Variants in DACH1 observed in about 807,000 individuals in gnomAD.
The protein encoded by DACH1 is dachshund homolog 1.
In DACH1, 12 loss-of-function variants were observed where a neutral mutation model predicts 54.2. That is an observed-to-expected ratio of 0.22 (90% CI 0.14 to 0.36). DACH1 has a LOEUF of 0.36. DACH1 is among the 10% of genes least tolerant of loss of function. The pLI is 1.00. For synonymous variants in DACH1, 386 were observed against 366.2 expected, an observed-to-expected ratio of 1.05 and a Z score of -0.62; for missense variants, 805 against 929.8, an observed-to-expected ratio of 0.87 and a Z score of 1.75.
intron 10 of DACH1, among the ~76,000 whole-genome samples, chr13:71,468,991 GCTAA>G (rs752817268): frequency 5.3e-5 from 8 of 152,170 alleles, no homozygotes; most frequent in Non-Finnish European, 8.8e-5. Context: ...GAGGCAACAA[GCTAA>G]CTATCTAAAA....
chr13:71,791,264 A>G (rs944436351), intron 1 of DACH1, among the ~76,000 whole-genome samples: 5 of 152,178 alleles, frequency 3.3e-5, no homozygotes, highest in African/African-American at 7.2e-5. Context: ...ACGTCAAACA[A>G]TGATTTACAC....
chr13:71,482,289 G>GAA (rs1216533212), intron 7 of DACH1, among the ~76,000 whole-genome samples: 1 of 151,914 alleles, frequency 6.6e-6, no homozygotes, highest in African/African-American at 2.4e-5. Context: ...ATACGGCTTA[G>GAA]AAAGTACAAT....
intron 1 of DACH1, among the ~76,000 whole-genome samples, chr13:71,689,054 A>AGTTT (rs1247129347): frequency 6.6e-6 from 1 of 152,128 alleles, no homozygotes; most frequent in African/African-American, 2.4e-5. Context: ...ATTGCTAGTG[A>AGTTT]GTTTGTTTGT....
At chr13:71,637,847 G>T (rs913858393) in intron 2 of DACH1, among the ~76,000 whole-genome samples, 5 of 151,990 alleles carry the variant, frequency 3.3e-5, no homozygotes, top group Non-Finnish European at 7.4e-5. Flanking sequence ...TACAATTGTA[G>T]ATTATAGATA....
intron 2 of DACH1, among the ~76,000 whole-genome samples, chr13:71,659,190 G>T (rs1879335749): frequency 1.3e-5 from 2 of 152,114 alleles, no homozygotes; most frequent in Admixed American, 1.3e-4. Context: ...AGGAAGGAAG[G>T]AAGTTTCTGT....
intron 3 of DACH1, among the ~76,000 whole-genome samples, chr13:71,629,010 G>GGC (rs1876875192): frequency 6.6e-6 from 1 of 152,058 alleles, no homozygotes; most frequent in African/African-American, 2.4e-5. Context: ...AGATTGTTTT[G>GGC]TAATAATAGA....
At chr13:71,481,535 G>A (rs1171799749) in intron 7 of DACH1, among the ~76,000 whole-genome samples, 1 of 152,092 alleles carries the variant, frequency 6.6e-6, no homozygotes, top group Non-Finnish European at 1.5e-5. Flanking sequence ...ACCTATTCCT[G>A]CTGATTATGT....
At chr13:71,743,625 G>A (rs958895005) in intron 1 of DACH1, among the ~76,000 whole-genome samples, 1 of 152,192 alleles carries the variant, frequency 6.6e-6, no homozygotes, top group Non-Finnish European at 1.5e-5. Flanking sequence ...AATATCCTAT[G>A]CCAGGTAAGA....
chr13:71,649,962 G>C (rs1245294258), intron 2 of DACH1, among the ~76,000 whole-genome samples: 2 of 152,134 alleles, frequency 1.3e-5, no homozygotes, highest in Non-Finnish European at 2.9e-5. Flanking sequence ...TATGAGCAGA[G>C]GCCAGAAGCA....
At chr13:71,656,920 T>TTA (rs1879129734) in intron 2 of DACH1, among the ~76,000 whole-genome samples, 2 of 12,660 alleles carry the variant, frequency 1.6e-4, no homozygotes, top group African/African-American at 3.5e-4. Context: ...TGTTCTTCTT[T>TTA]CATATATATA....
At chr13:71,720,883 A>G (rs1883201481) in intron 1 of DACH1, among the ~76,000 whole-genome samples, 1 of 152,176 alleles carries the variant, frequency 6.6e-6, no homozygotes, top group Admixed American at 6.5e-5. Flanking sequence ...CACACTTGTC[A>G]GATTGTTCCT....
At chr13:71,757,786 G>A (rs1885231876) in intron 1 of DACH1, among the ~76,000 whole-genome samples, 1 of 152,006 alleles carries the variant, frequency 6.6e-6, no homozygotes, top group Non-Finnish European at 1.5e-5. Flanking sequence ...GCCTCCCAAC[G>A]TGCTGGGATT....
intron 1 of DACH1, among the ~76,000 whole-genome samples, chr13:71,726,763 CTAATTA>C (rs1204474018): frequency 6.6e-6 from 1 of 151,808 alleles, no homozygotes; most frequent in Non-Finnish European, 1.5e-5. Context: ...TTATTTTATT[CTAATTA>C]TATTTGATAC....
rs1441899449 is a variant in DACH1, at chr13:71,440,613, A to C, written c.*42T>G. 2 of 1,536,584 alleles carry C rather than the reference A, an allele frequency of 1.3e-6. No homozygotes were observed. The highest frequency in any genetic ancestry group is 8.9e-7 in the Non-Finnish European group (1 of 1,129,258). ...TTTCCCATGACGAATGTCTGACTGC[A>C]AAGTTCTTTTCTATAACATGGATTT... On this transcript the variant is annotated 3_prime_UTR_variant, in exon 11 of 11. Transcript: ENST00000613252.
chr13:71,548,474 C>T (rs1230639305), intron 6 of DACH1, among the ~76,000 whole-genome samples: 4 of 152,012 alleles, frequency 2.6e-5, no homozygotes, highest in African/African-American at 9.7e-5. Context: ...TTGTACATTT[C>T]TAAATAAGTC....
At chr13:71,496,386 A>G (rs1022565686) in intron 6 of DACH1, among the ~76,000 whole-genome samples, 4 of 149,706 alleles carry the variant, frequency 2.7e-5, no homozygotes. Context: ...CTATTCAGCC[A>G]TAAATAAGAA....
intron 1 of DACH1, among the ~76,000 whole-genome samples, chr13:71,855,770 A>G (rs1210612979): frequency 3.3e-5 from 5 of 151,976 alleles, no homozygotes; most frequent in Non-Finnish European, 7.4e-5. Context: ...TTAAAGTGTG[A>G]CTCTAAGAAA....
chr13:71,710,892 T>C (rs1182408062), intron 1 of DACH1, among the ~76,000 whole-genome samples: 2 of 152,196 alleles, frequency 1.3e-5, no homozygotes, highest in Non-Finnish European at 2.9e-5. Flanking sequence ...AGTTGACTTC[T>C]GGGGTAAATT....
chr13:71,596,108 T>G (rs893439754), intron 3 of DACH1, among the ~76,000 whole-genome samples: 5 of 152,004 alleles, frequency 3.3e-5, no homozygotes, highest in African/African-American at 1.2e-4. Flanking sequence ...ATATGTATTT[T>G]TTTTTTATTT....
Sources: allele counts gnomAD v4.1 joint callset (sites outside exome capture counted in the v4.1 genomes callset), GRCh38; gene constraint gnomAD v4.1.1; transcripts MANE v1.5; gene names NCBI Gene and HGNC (gene_info 2026-07-23, HGNC 2026-07-21).